COL4A5: variants seen among roughly 807,000 people sequenced by gnomAD.
The protein encoded by COL4A5 is collagen alpha-5(IV) chain.
Under a neutral mutation model 130.2 loss-of-function variants are expected in COL4A5, and 26 were observed. The ratio of observed to expected loss-of-function variants is 0.20; its 90% CI spans 0.15 to 0.28. The LOEUF (loss-of-function observed/expected upper bound fraction) is 0.28, where lower values mean the gene tolerates loss of function less well. Ranked by LOEUF, COL4A5 falls within the 10% of genes least tolerant of loss-of-function variation. The pLI, the probability that COL4A5 is intolerant of heterozygous loss-of-function variation, is 1.00. For missense variants in COL4A5, 1,131 were observed against 1,344.3 expected, an observed-to-expected ratio of 0.84 and a Z score of 2.48; for synonymous variants, 496 against 439.6, an observed-to-expected ratio of 1.13 and a Z score of -1.60.
intron 1 of COL4A5, among the ~76,000 whole-genome samples, chrX:108,507,334 C>T (rs939397729): frequency 6.4e-5 from 7 of 109,634 alleles, no homozygotes; most frequent in African/African-American, 2.3e-4. Context: ...AATATAGTTG[C>T]ACACAAAATC....
At chrX:108,568,898 G>T in intron 6 of COL4A5, 77 bp downstream of exon 6, 1 of 884,893 alleles carries the variant, frequency 1.1e-6, no homozygotes, top group South Asian at 2.0e-5. Flanking sequence ...TCAATATGAA[G>T]AATGTAGAAG....
At chrX:108,614,160 C>T (rs749366876) in intron 29 of COL4A5, among the ~76,000 whole-genome samples, 1 of 111,917 alleles carries the variant, frequency 8.9e-6, no homozygotes, top group South Asian at 3.7e-4. Flanking sequence ...TGAAAGAAGA[C>T]ATATTCAAAA....
In COL4A5 at chrX:108,692,802, A is replaced by G. The variant is rs1569508955; in HGVS notation, c.4583A>G (p.Asn1528Ser). Reference protein sequence around the residue: ...RFSTMPFMFCNINNVCNFASR... With the variant: ...RFSTMPFMFCSINNVCNFASR... Reference sequence around the variant, plus strand: ...AGTACCATGCCTTTCATGTTCTGCAACATCAATAATGTTTGCAACTTTGCT... The same window carrying G: ...AGTACCATGCCTTTCATGTTCTGCAGCATCAATAATGTTTGCAACTTTGCT... The change falls in exon 50 of 53, where the codon AAC becomes AGC. Residue 1528 changes from asparagine to serine, a missense_variant. Asn to Ser is a conservative substitution (Grantham distance 46, BLOSUM62 1). Coordinates refer to ENST00000328300, the MANE Select transcript of COL4A5 (RefSeq NM_033380.3). 1 of 1,211,328 alleles carries G rather than the reference A, an allele frequency of 8.3e-7. No individual in the cohort carries two copies. Among genetic ancestry groups the G allele is most frequent in the Non-Finnish European group, 1.1e-6 (1 of 895,196 alleles).
chrX:108,552,482 G>T, intron 2 of COL4A5, among the ~76,000 whole-genome samples: 1 of 111,612 alleles, frequency 9.0e-6, no homozygotes, highest in Middle Eastern at 4.6e-3. Context: ...TCAGTCATAT[G>T]TCCATAATCT....
chrX:108,479,666 G>A (rs986643802), intron 1 of COL4A5, among the ~76,000 whole-genome samples: 5 of 111,721 alleles, frequency 4.5e-5, no homozygotes, highest in African/African-American at 6.5e-5. Flanking sequence ...ACTTCCTCAC[G>A]TAACTTACTT....
At chrX:108,478,917 C>T (rs749103142) in intron 1 of COL4A5, among the ~76,000 whole-genome samples, 15 of 112,047 alleles carry the variant, frequency 1.3e-4, no homozygotes, top group Admixed American at 1.9e-4. Context: ...CTGGTCACCC[C>T]GAGGAATGGT....
At chrX:108,638,648 A>G (rs994089011) in intron 36 of COL4A5, among the ~76,000 whole-genome samples, 1 of 112,149 alleles carries the variant, frequency 8.9e-6, no homozygotes, top group African/African-American at 3.2e-5. Flanking sequence ...CAGAGATGAT[A>G]TAATGCTATG....
chrX:108,580,905 C>A, intron 15 of COL4A5, 78 bp from the exon 16 acceptor site: 2 of 1,050,848 alleles, frequency 1.9e-6, no homozygotes, highest in Non-Finnish European at 2.7e-6. Context: ...AGGAATAAAG[C>A]TTGTTATATT....
chrX:108,508,343 T>C (rs1282835527), intron 1 of COL4A5, among the ~76,000 whole-genome samples: 2 of 108,936 alleles, frequency 1.8e-5, no homozygotes, highest in Non-Finnish European at 3.8e-5. Flanking sequence ...AGGAGAAATA[T>C]CTCTACAATG....
chrX:108,660,752 G>A (rs1235046589), intron 37 of COL4A5, among the ~76,000 whole-genome samples: 3 of 110,873 alleles, frequency 2.7e-5, no homozygotes, highest in Admixed American at 9.6e-5. Flanking sequence ...AATATTCCTG[G>A]ATCTGTAGGG....
intron 1 of COL4A5, among the ~76,000 whole-genome samples, chrX:108,509,244 C>G (rs1427088711): frequency 9.0e-6 from 1 of 111,501 alleles, no homozygotes; most frequent in Non-Finnish European, 1.9e-5. Context: ...CACATGGACA[C>G]ATAGAGTGGA....
At chrX:108,549,697 A>C (rs2065720976) in intron 2 of COL4A5, among the ~76,000 whole-genome samples, 1 of 111,419 alleles carries the variant, frequency 9.0e-6, no homozygotes, top group Non-Finnish European at 1.9e-5. Flanking sequence ...AAGCAAATTA[A>C]ATTTAAGAGA....
chrX:108,460,395 C>T (rs2064631507), intron 1 of COL4A5, among the ~76,000 whole-genome samples: 1 of 111,034 alleles, frequency 9.0e-6, no homozygotes, highest in African/African-American at 3.3e-5. Context: ...CCAACTCCCT[C>T]CACCCCCTAA....
chrX:108,473,282 G>A (rs1018661082), intron 1 of COL4A5, among the ~76,000 whole-genome samples: 1 of 110,321 alleles, frequency 9.1e-6, no homozygotes, highest in African/African-American at 3.3e-5. Flanking sequence ...TAGAAGGAGT[G>A]TATTCCTTCT....
At chrX:108,693,522 T>A (rs1200998753) in intron 50 of COL4A5, 1 of 115,342 alleles carries the variant, frequency 8.7e-6, no homozygotes, top group Non-Finnish European at 1.8e-5. Context: ...TTATTTGATA[T>A]GTAACAAGGA....
intron 42 of COL4A5, among the ~76,000 whole-genome samples, chrX:108,672,994 T>C (rs1318253771): frequency 8.9e-6 from 1 of 112,295 alleles, no homozygotes; most frequent in African/African-American, 3.2e-5. Context: ...TTTCAAAGTA[T>C]CAAATGCTTT....
intron 1 of COL4A5, among the ~76,000 whole-genome samples, chrX:108,527,336 A>G (rs1274330730): frequency 9.0e-6 from 1 of 111,487 alleles, no homozygotes; most frequent in Non-Finnish European, 1.9e-5. Flanking sequence ...AGAAGTGACA[A>G]TTTCTAGGTT....
chrX:108,586,664 T>TTGGGTTGCC lies in COL4A5; in HGVS notation c.1095_1103dup (p.Leu366_Gly368dup), dbSNP rs765552839. 2.2e-5 allele frequency: 27 copies of TTGGGTTGCC among 1,205,470 alleles called. No individual in the cohort carries two copies. The highest frequency in any genetic ancestry group is 2.9e-5 in the Non-Finnish European group (26 of 891,865). ...ATAACTATAGGAGAAAAAGGAAACA[T>TTGGGTTGCC]TGGGTTGCCTGGGTTGCCTGGAGAA... is the stretch of plus-strand genomic sequence containing the variant. On this transcript the variant is annotated inframe_insertion, in exon 19 of 53. Transcript: ENST00000328300.
chrX:108,627,527 G>A (rs1050576740), intron 36 of COL4A5: 27 of 709,405 alleles, frequency 3.8e-5, no homozygotes, highest in South Asian at 7.3e-5. Context: ...TTTCTTTGTC[G>A]TCATACATTA....
Sources: allele counts gnomAD v4.1 joint callset (sites outside exome capture counted in the v4.1 genomes callset), GRCh38; gene constraint gnomAD v4.1.1; transcripts MANE v1.5; gene names NCBI Gene and HGNC (gene_info 2026-07-23, HGNC 2026-07-21).